ULK4: variants seen among roughly 807,000 people sequenced by gnomAD.
The protein encoded by ULK4 is inactive serine/threonine-protein kinase ULK4.
Under a neutral mutation model 160.6 loss-of-function variants are expected in ULK4, and 133 were observed. The ratio of observed to expected loss-of-function variants is 0.83; its 90% CI spans 0.72 to 0.96. ULK4 has a LOEUF of 0.96. Ranked by LOEUF, ULK4 falls within the 40% of genes least tolerant of loss-of-function variation. ULK4 has a pLI of 0.00. For missense variants in ULK4, 1,580 were observed against 1,499.5 expected, an observed-to-expected ratio of 1.05 and a Z score of -0.89; for synonymous variants, 534 against 539.8, an observed-to-expected ratio of 0.99 and a Z score of 0.15.
chr3:41,806,682 G>A (rs557075261), intron 19 of ULK4, among the ~76,000 whole-genome samples: 106 of 152,028 alleles, frequency 7.0e-4, no homozygotes, highest in African/African-American at 2.4e-3. Context: ...CTGGTATGTT[G>A]TGTCTTTGTT....
intron 17 of ULK4, among the ~76,000 whole-genome samples, chr3:41,870,840 G>A (rs1353214537): frequency 6.6e-6 from 1 of 152,090 alleles, no homozygotes; most frequent in Non-Finnish European, 1.5e-5. Flanking sequence ...GATATAGTTT[G>A]GCTCTGTGTC....
chr3:41,247,127 G>A (rs1421463744), intron 36 of ULK4, 135 bp from the exon 37 acceptor site: 10 of 867,082 alleles, frequency 1.2e-5, no homozygotes, highest in African/African-American at 1.7e-5. Flanking sequence ...GGAAGCAGAA[G>A]CAGGAAATCC....
At chr3:41,699,386 A>G (rs148098085) in intron 27 of ULK4, among the ~76,000 whole-genome samples, 8 of 152,366 alleles carry the variant, frequency 5.3e-5, no homozygotes, top group South Asian at 2.1e-4. Context: ...CTTACTTTCT[A>G]AAGTTAAATA....
intron 32 of ULK4, among the ~76,000 whole-genome samples, chr3:41,463,897 A>C (rs6777805): frequency 0.57 from 86,761 of 151,762 alleles, 25,468 homozygotes; most frequent in African/African-American, 0.72. Context: ...TATAGTGTTA[A>C]CCTTTGAATT....
chr3:41,474,039 C>T (rs994160062), intron 32 of ULK4, among the ~76,000 whole-genome samples: 2 of 152,232 alleles, frequency 1.3e-5, no homozygotes, highest in Admixed American at 6.5e-5. Flanking sequence ...ATATGGAGCC[C>T]TCAAATGGCC....
At chr3:41,871,986 C>T (rs73081363) in intron 17 of ULK4, among the ~76,000 whole-genome samples, 4,526 of 152,246 alleles carry the variant, frequency 0.03, 87 homozygotes, top group Middle Eastern at 0.051. Context: ...CCTTATTTTC[C>T]TCTACAGAGT....
At chr3:41,266,855 C>G (rs1011865126) in intron 35 of ULK4, among the ~76,000 whole-genome samples, 4 of 152,052 alleles carry the variant, frequency 2.6e-5, no homozygotes, top group Non-Finnish European at 5.9e-5. Context: ...CCTTTACTTC[C>G]ATGGTCCCTT....
chr3:41,355,273 G>A (rs2125766359), intron 35 of ULK4, among the ~76,000 whole-genome samples: 1 of 152,182 alleles, frequency 6.6e-6, no homozygotes, highest in Non-Finnish European at 1.5e-5. Context: ...GGTAGCTTTT[G>A]GTCCGCCCAC....
At chr3:41,915,705 C>A (rs1698943810) in intron 8 of ULK4, among the ~76,000 whole-genome samples, 1 of 152,128 alleles carries the variant, frequency 6.6e-6, no homozygotes, top group Admixed American at 6.5e-5. Context: ...GAAAATTTGT[C>A]AACTACTTAA....
intron 17 of ULK4, among the ~76,000 whole-genome samples, chr3:41,850,291 T>C (rs182759189): frequency 6.7e-4 from 102 of 152,354 alleles, no homozygotes; most frequent in East Asian, 3.5e-3. Flanking sequence ...TGTGTCTTTA[T>C]AGCAGCATGA....
At chr3:41,550,971 C>T (rs904009838) in intron 32 of ULK4, among the ~76,000 whole-genome samples, 6 of 151,816 alleles carry the variant, frequency 4.0e-5, no homozygotes, top group Admixed American at 3.9e-4. Context: ...GAAATCAATA[C>T]CATAAAGAAT....
At chr3:41,792,453 G>C (rs544580676) in intron 20 of ULK4, among the ~76,000 whole-genome samples, 2 of 152,124 alleles carry the variant, frequency 1.3e-5, no homozygotes, top group South Asian at 4.2e-4. Context: ...TTAAAGATCA[G>C]AATTTTTCTA....
intron 31 of ULK4, among the ~76,000 whole-genome samples, chr3:41,615,330 C>T (rs2032907742): frequency 6.6e-6 from 1 of 152,194 alleles, no homozygotes; most frequent in African/African-American, 2.4e-5. Context: ...AAAATTCATA[C>T]TGAAGTGTAG....
At chr3:41,912,119 G>C in intron 9 of ULK4, among the ~76,000 whole-genome samples, 1 of 152,062 alleles carries the variant, frequency 6.6e-6, no homozygotes, top group East Asian at 1.9e-4. Flanking sequence ...CTTGAGGCCA[G>C]GAGTTTGAAA....
At chr3:41,647,895 C>A (rs112751621) in intron 30 of ULK4, among the ~76,000 whole-genome samples, 9,338 of 152,312 alleles carry the variant, frequency 0.061, 972 homozygotes, top group African/African-American at 0.21. Flanking sequence ...CAAGCCTGAG[C>A]AATGGCGGGC....
At position 41,923,686 on chromosome 3, in the gene ULK4, T is replaced by C. The variant is rs150871161; in HGVS notation, c.542-3868A>G. The stretch of plus-strand genomic sequence containing the variant: ...AGGCCTTGGTCAGTTGTACCTGCAA[T>C]TGAAGGACAGTGAAGCACAATCTTC... On this transcript the variant is annotated intron_variant, in intron 5 of 36. Transcript: ENST00000301831. Among the ~76,000 whole-genome samples the C allele has an allele frequency of 7.9e-4, 121 of 152,284 alleles. 1 individual carries two copies. The highest frequency in any genetic ancestry group is 1.4e-3 in the Admixed American group (22 of 15,298).
At chr3:41,510,441 A>T (rs147080336) in intron 32 of ULK4, among the ~76,000 whole-genome samples, 192 of 152,340 alleles carry the variant, frequency 1.3e-3, no homozygotes, top group Non-Finnish European at 2.3e-3. Context: ...GAAAGTCAAC[A>T]AAGAAACAAT....
At position 41,338,201 on chromosome 3, in the gene ULK4, A is replaced by G. The variant is rs140468823; in HGVS notation, c.3678+59878T>C. Among the ~76,000 whole-genome samples, 1,070 of 152,314 alleles carry G rather than the reference A, an allele frequency of 7.0e-3. 11 individuals are homozygous for G. The highest frequency in any genetic ancestry group is 0.025 in the African/African-American group (1,023 of 41,558). On this transcript the variant is annotated intron_variant, in intron 35 of 36. Coordinates refer to ENST00000301831, the MANE Select transcript of ULK4 (RefSeq NM_017886.4). Reference sequence around the variant, plus strand: ...CAATAGGATTGTAGTGCTTTGACATAAGAGTACCTGGCAGCTGGAATTCCA... The same window carrying G: ...CAATAGGATTGTAGTGCTTTGACATGAGAGTACCTGGCAGCTGGAATTCCA...
chr3:41,424,095 C>G (rs1279447520), intron 34 of ULK4, among the ~76,000 whole-genome samples: 1 of 152,076 alleles, frequency 6.6e-6, no homozygotes, highest in African/African-American at 2.4e-5. Context: ...GCCATCTTTC[C>G]CCTGCCAGTG....
Sources: gnomAD v4.1 joint callset for allele counts (sites outside exome capture counted in the v4.1 genomes callset) on GRCh38, gnomAD v4.1.1 for gene constraint, MANE v1.5 for transcripts, NCBI Gene and HGNC (gene_info 2026-07-23, HGNC 2026-07-21) for gene names.